The following IGSF11 variants were observed in gnomAD, a reference collection of about 807,000 sequenced individuals.
IGSF11 encodes the protein immunoglobulin superfamily member 11.
In IGSF11, 22 loss-of-function variants were observed where a neutral mutation model predicts 41.0. That is an observed-to-expected ratio of 0.54 (90% confidence interval 0.38 to 0.77). The LOEUF (loss-of-function observed/expected upper bound fraction) is 0.77. IGSF11 is among the 30% of genes least tolerant of loss of function. The pLI is 0.00. For synonymous variants in IGSF11, 219 were observed against 201.3 expected (o/e 1.09, Z -0.74); for missense variants, 444 against 530.8 (o/e 0.84, Z 1.61).
At chr3:118,923,387 T>C (rs1462205464) in intron 4 of IGSF11, among the ~76,000 whole-genome samples, 6 of 152,194 alleles carry the variant, frequency 3.9e-5, no homozygotes, top group Non-Finnish European at 8.8e-5. Flanking sequence ...CTTTAGTGAA[T>C]ACTTCCTAAG....
chr3:119,123,497 C>T (rs1320157264), intron 1 of IGSF11, among the ~76,000 whole-genome samples: 2 of 152,172 alleles, frequency 1.3e-5, no homozygotes, highest in Non-Finnish European at 2.9e-5. Context: ...AGCCCTAGGG[C>T]CTTGAGCGAA....
At chr3:118,984,122 T>C (rs1935017778) in intron 1 of IGSF11, among the ~76,000 whole-genome samples, 1 of 152,082 alleles carries the variant, frequency 6.6e-6, no homozygotes, top group Non-Finnish European at 1.5e-5. Flanking sequence ...ACTTTTGTTT[T>C]TTCAAACTCA....
At chr3:119,081,176 C>T (rs1236432597) in intron 1 of IGSF11, among the ~76,000 whole-genome samples, 1 of 152,058 alleles carries the variant, frequency 6.6e-6, no homozygotes, top group African/African-American at 2.4e-5. Context: ...CTCCTTCTTA[C>T]TTTTCATCCT....
chr3:119,004,378 G>A (rs544658031), intron 1 of IGSF11, among the ~76,000 whole-genome samples: 4 of 150,844 alleles, frequency 2.7e-5, no homozygotes, highest in African/African-American at 4.9e-5. Flanking sequence ...TCTTGCTAGC[G>A]GTCTATCAAT....
At chr3:119,138,285 A>T (rs1479279419) in intron 1 of IGSF11, among the ~76,000 whole-genome samples, 3 of 152,190 alleles carry the variant, frequency 2.0e-5, no homozygotes, top group African/African-American at 4.8e-5. Flanking sequence ...TTATTGCTGC[A>T]CTATTCACAA....
At chr3:118,919,057 T>C in intron 4 of IGSF11, among the ~76,000 whole-genome samples, 1 of 135,820 alleles carries the variant, frequency 7.4e-6, no homozygotes, top group African/African-American at 3.5e-5. Context: ...GCTAGCCATA[T>C]GTAGAAAGCT....
chr3:119,001,096 T>C (rs182943805), intron 1 of IGSF11, among the ~76,000 whole-genome samples: 2 of 152,188 alleles, frequency 1.3e-5, no homozygotes, highest in East Asian at 1.9e-4. Context: ...CTGTCTGAAA[T>C]GTCCTTCCCC....
At chr3:119,023,220 A>C (rs990219970) in intron 1 of IGSF11, among the ~76,000 whole-genome samples, 7 of 138,878 alleles carry the variant, frequency 5.0e-5, no homozygotes, top group Non-Finnish European at 9.1e-5. Context: ...CCAAGATCGC[A>C]CCACTGCACT....
At chr3:118,941,223 A>G (rs1943670742) in intron 1 of IGSF11, among the ~76,000 whole-genome samples, 1 of 152,128 alleles carries the variant, frequency 6.6e-6, no homozygotes, top group Admixed American at 6.5e-5. Context: ...TTGGGAAAAA[A>G]TATTTTCAAA....
At chr3:119,082,405 G>C (rs1187836485) in intron 1 of IGSF11, among the ~76,000 whole-genome samples, 1 of 151,938 alleles carries the variant, frequency 6.6e-6, no homozygotes, top group Non-Finnish European at 1.5e-5. Flanking sequence ...GTCTCCAAAA[G>C]GTAAACAAAA....
At chr3:119,092,459 A>C (rs1187105160) in intron 1 of IGSF11, among the ~76,000 whole-genome samples, 1 of 151,978 alleles carries the variant, frequency 6.6e-6, no homozygotes, top group Non-Finnish European at 1.5e-5. Flanking sequence ...TCTCCCAAGT[A>C]GCTGGGATTC....
intron 1 of IGSF11, among the ~76,000 whole-genome samples, chr3:119,137,002 T>C (rs114414856): frequency 0.032 from 4,931 of 152,138 alleles, 159 homozygotes; most frequent in South Asian, 0.18. Context: ...TAAAATTATG[T>C]GCCTAGGAAT....
chr3:119,048,454 G>A (rs184361901), intron 1 of IGSF11, among the ~76,000 whole-genome samples: 1 of 152,112 alleles, frequency 6.6e-6, no homozygotes, highest in Non-Finnish European at 1.5e-5. Flanking sequence ...CAGGAAGAAG[G>A]TGAATCTCTG....
At chr3:119,025,808 T>C (rs1157535917) in intron 1 of IGSF11, among the ~76,000 whole-genome samples, 2 of 152,038 alleles carry the variant, frequency 1.3e-5, no homozygotes, top group Non-Finnish European at 2.9e-5. Context: ...TACAAATGTA[T>C]AGGGTATATG....
chr3:119,040,694 C>T (rs913703047), intron 1 of IGSF11, among the ~76,000 whole-genome samples: 2 of 152,178 alleles, frequency 1.3e-5, no homozygotes, highest in African/African-American at 4.8e-5. Context: ...TTATTCATTG[C>T]TGAATTCTCA....
intron 1 of IGSF11, among the ~76,000 whole-genome samples, chr3:119,078,704 A>G (rs1465901231): frequency 6.6e-6 from 1 of 152,158 alleles, no homozygotes; most frequent in Non-Finnish European, 1.5e-5. Context: ...ACAAAAAGAA[A>G]AATTGAAAAA....
chr3:119,063,814 A>G (rs1305628073), intron 1 of IGSF11, among the ~76,000 whole-genome samples: 1 of 152,248 alleles, frequency 6.6e-6, no homozygotes, highest in Non-Finnish European at 1.5e-5. Flanking sequence ...AAAACTTTTC[A>G]AAGAGGAACC....
At chr3:118,929,320 T>G (rs1318656261) in intron 2 of IGSF11, among the ~76,000 whole-genome samples, 1 of 152,208 alleles carries the variant, frequency 6.6e-6, no homozygotes, top group Non-Finnish European at 1.5e-5. Context: ...TTAAACTCCA[T>G]CCTTGATTCC....
At chr3:118,936,080 T>C (rs1576417259) in intron 1 of IGSF11, among the ~76,000 whole-genome samples, 1 of 152,146 alleles carries the variant, frequency 6.6e-6, no homozygotes, top group East Asian at 1.9e-4. Flanking sequence ...AAATGGGTGT[T>C]TTTTTGCATT....
Sources: allele counts gnomAD v4.1 joint callset (sites outside exome capture counted in the v4.1 genomes callset), GRCh38; gene constraint gnomAD v4.1.1; transcripts MANE v1.5; gene names NCBI Gene and HGNC (gene_info 2026-07-23, HGNC 2026-07-21).